Variants in COL4A6 observed in about 807,000 individuals in gnomAD.
The protein encoded by COL4A6 is collagen alpha-6(IV) chain.
Under a neutral mutation model 126.7 loss-of-function variants are expected in COL4A6, and 59 were observed. That is an observed-to-expected ratio of 0.47 (90% CI 0.38 to 0.58). COL4A6 has a LOEUF of 0.58. Among genes scored for constraint, COL4A6 ranks in the 20% least tolerant of loss-of-function variants. The pLI is 0.00. For missense variants in COL4A6, 1,285 were observed against 1,337.3 expected (o/e 0.96, Z 0.61); for synonymous variants, 547 against 496.6 (o/e 1.10, Z -1.35).
chrX:108,378,887 A>G (rs915194123), intron 2 of COL4A6, among the ~76,000 whole-genome samples: 1 of 112,521 alleles, frequency 8.9e-6, no homozygotes, highest in Non-Finnish European at 1.9e-5. Context: ...AACAACAGAG[A>G]TAAGTAGTTG....
intron 3 of COL4A6, among the ~76,000 whole-genome samples, chrX:108,225,707 A>G (rs1002870290): frequency 8.9e-6 from 1 of 112,982 alleles, no homozygotes; most frequent in African/African-American, 3.2e-5. Flanking sequence ...ATATGTAGAT[A>G]TATCATCGAA....
At chrX:108,436,752 T>C (rs1285375024) in intron 2 of COL4A6, among the ~76,000 whole-genome samples, 1 of 112,023 alleles carries the variant, frequency 8.9e-6, no homozygotes, top group Non-Finnish European at 1.9e-5. Context: ...GATGTTGGTA[T>C]TCAAGTTTTC....
At position 108,357,031 on chromosome X, in the gene COL4A6, T is replaced by A. The variant is rs752041916; in HGVS notation, c.64-46203A>T. ...AGAAATGTTTCGAACCCTAAATGCT[T>A]TTTATTTATATTACCTCTTTCTAGG... On this transcript the variant is annotated intron_variant, in intron 2 of 44. Transcript: ENST00000334504. Among the ~76,000 whole-genome samples, 5 of 112,161 alleles carry A rather than the reference T, an allele frequency of 4.5e-5. No individual in the cohort carries two copies. In the East Asian group the frequency reaches 1.4e-3, roughly 31 times the overall value.
intron 2 of COL4A6, among the ~76,000 whole-genome samples, chrX:108,340,739 A>T (rs1041857114): frequency 9.2e-6 from 1 of 108,674 alleles, no homozygotes; most frequent in Admixed American, 9.9e-5. Flanking sequence ...AAAATGCAGT[A>T]AAAATATAAA....
At chrX:108,413,811 T>C (rs1013400087) in intron 2 of COL4A6, among the ~76,000 whole-genome samples, 2 of 111,746 alleles carry the variant, frequency 1.8e-5, no homozygotes, top group African/African-American at 6.5e-5. Context: ...AATGTAGGAG[T>C]TAAACATCTA....
intron 2 of COL4A6, among the ~76,000 whole-genome samples, chrX:108,400,139 T>C (rs2041054247): frequency 8.9e-6 from 1 of 111,739 alleles, no homozygotes; most frequent in African/African-American, 3.2e-5. Flanking sequence ...CTTTAGACAA[T>C]TCTCTAAGAA....
At chrX:108,405,884 C>A (rs952225443) in intron 2 of COL4A6, among the ~76,000 whole-genome samples, 10 of 111,677 alleles carry the variant, frequency 9.0e-5, no homozygotes, top group Admixed American at 3.8e-4. Flanking sequence ...AAGCAGGAAA[C>A]CTAAGATAGA....
chrX:108,198,592 G>C (rs1299307591), intron 13 of COL4A6, among the ~76,000 whole-genome samples: 1 of 111,318 alleles, frequency 9.0e-6, no homozygotes, highest in East Asian at 2.8e-4. Context: ...TGAACAAGCT[G>C]TTCTAGCAAG....
At chrX:108,268,381 C>T in intron 3 of COL4A6, 1 of 112,487 alleles carries the variant, frequency 8.9e-6, no homozygotes, top group Non-Finnish European at 1.9e-5. Context: ...ACTTTATAAA[C>T]ACTGTTTTAT....
intron 3 of COL4A6, among the ~76,000 whole-genome samples, chrX:108,277,035 T>A (rs1317356605): frequency 8.9e-6 from 1 of 112,036 alleles, no homozygotes; most frequent in Non-Finnish European, 1.9e-5. Flanking sequence ...GATGGCCGAA[T>A]AGGAACAGCT....
chrX:108,375,305 A>C (rs1448456404), intron 2 of COL4A6, among the ~76,000 whole-genome samples: 3 of 112,047 alleles, frequency 2.7e-5, no homozygotes, highest in African/African-American at 9.7e-5. Flanking sequence ...TCTGTATAAC[A>C]ATCAACCTAC....
chrX:108,311,462 C>G (rs1467722750), intron 2 of COL4A6, among the ~76,000 whole-genome samples: 7 of 110,398 alleles, frequency 6.3e-5, no homozygotes, highest in South Asian at 4.0e-4. Flanking sequence ...CTGCAAGGCC[C>G]CCACATGACC....
chrX:108,398,938 A>G (rs184165350), intron 2 of COL4A6, among the ~76,000 whole-genome samples: 293 of 111,922 alleles, frequency 2.6e-3, no homozygotes, highest in Non-Finnish European at 3.4e-3. Context: ...CTTTGGCGCT[A>G]GAGTGTCAGG....
rs949170068 is a variant in COL4A6 at position 108,269,494 on chromosome X, T to C, written c.144+41254A>G. Among the ~76,000 whole-genome samples, 3 of 111,459 alleles carry C rather than the reference T, an allele frequency of 2.7e-5. No homozygotes were observed. In the South Asian group the frequency reaches 1.2e-3, roughly 43 times the overall value. The stretch of plus-strand genomic sequence containing the variant: ...TCTTTTCAAGCTAGATTTGAGCAAC[T>C]CGGTCTAAAATTTGACTCAGACCAG... On this transcript the variant is annotated intron_variant, in intron 3 of 44. Coordinates refer to ENST00000334504, the MANE Select transcript of COL4A6 (RefSeq NM_033641.4).
At chrX:108,354,989 T>C (rs2039928020) in intron 2 of COL4A6, among the ~76,000 whole-genome samples, 1 of 111,694 alleles carries the variant, frequency 9.0e-6, no homozygotes, top group Non-Finnish European at 1.9e-5. Context: ...TATGAAGTTG[T>C]GATGTTAAAG....
intron 3 of COL4A6, among the ~76,000 whole-genome samples, chrX:108,306,033 C>A (rs1456462347): frequency 9.0e-6 from 1 of 111,392 alleles, no homozygotes; most frequent in African/African-American, 3.3e-5. Context: ...ATAAAACCAC[C>A]CTGGGAGAGG....
intron 3 of COL4A6, among the ~76,000 whole-genome samples, chrX:108,274,605 C>A (rs2037546899): frequency 8.9e-6 from 1 of 111,922 alleles, no homozygotes; most frequent in Non-Finnish European, 1.9e-5. Context: ...ATCAGGAATA[C>A]AGAAAATAAG....
chrX:108,364,614 T>C (rs2040157903), intron 2 of COL4A6, among the ~76,000 whole-genome samples: 1 of 110,702 alleles, frequency 9.0e-6, no homozygotes, highest in Admixed American at 9.7e-5. Flanking sequence ...ATGTCTATCA[T>C]TCCACACTCT....
At chrX:108,400,700 A>G (rs762992339) in intron 2 of COL4A6, among the ~76,000 whole-genome samples, 69 of 110,820 alleles carry the variant, frequency 6.2e-4, no homozygotes, top group African/African-American at 2.1e-3. Context: ...GTGTGTGTGT[A>G]TGTGTATGAA....
Sources: allele counts gnomAD v4.1 joint callset (sites outside exome capture counted in the v4.1 genomes callset), GRCh38; gene constraint gnomAD v4.1.1; transcripts MANE v1.5; gene names NCBI Gene and HGNC (gene_info 2026-07-23, HGNC 2026-07-21).